The following KLHDC4 variants were observed in gnomAD, a reference collection of about 807,000 sequenced individuals.
KLHDC4 encodes the protein kelch domain-containing protein 4.
In KLHDC4, 90 loss-of-function variants were observed where a neutral mutation model predicts 62.4. The observed-to-expected ratio is 1.44, with a 90% confidence interval of 1.22 to 1.72. The LOEUF (loss-of-function observed/expected upper bound fraction) is 1.72. Among genes scored for constraint, KLHDC4 ranks in the 40% most tolerant of loss-of-function variants. KLHDC4 has a pLI of 0.00. For synonymous variants in KLHDC4, 386 were observed against 284.4 expected (o/e 1.36, Z -3.59); for missense variants, 1,025 against 699.7 (o/e 1.47, Z -5.25).
At chr16:87,723,748 G>C (rs895184317) in intron 7 of KLHDC4, among the ~76,000 whole-genome samples, 1 of 152,272 alleles carries the variant, frequency 6.6e-6, no homozygotes, top group Non-Finnish European at 1.5e-5. Flanking sequence ...AATGAACGTG[G>C]ATCAGAATGG....
chr16:87,735,311 A>C (rs866770282), intron 5 of KLHDC4, among the ~76,000 whole-genome samples: 39 of 149,352 alleles, frequency 2.6e-4, no homozygotes, highest in African/African-American at 9.5e-4. Flanking sequence ...AAAAAAAAAA[A>C]AAGAAAAAAA....
chr16:87,708,377 C>T lies in KLHDC4; in HGVS notation c.1537G>A (p.Gly513Arg), dbSNP rs143992884. 3.8e-5 allele frequency: 61 copies of T among 1,610,180 alleles called. No individual in the cohort carries two copies. Among genetic ancestry groups the T allele is most frequent in the South Asian group, 3.1e-4 (28 of 90,962 alleles). Residue 513 changes from glycine (G) to arginine (R), a missense_variant, in exon 11 of 12, where the codon GGA becomes AGA. Gly to Arg is a moderately radical substitution (Grantham distance 125, BLOSUM62 -2). Transcript: ENST00000270583. The stretch of plus-strand genomic sequence containing the variant: ...CAGTCCTCCGCACCGCTCTCCTCTC[C>T]GCTGTCTTCGTCGTCGACCCCACCC... ...AEGGVDDEDS[G>R]EESGAED
intron 5 of KLHDC4, among the ~76,000 whole-genome samples, chr16:87,732,427 T>A (rs1172498522): frequency 6.6e-6 from 1 of 152,228 alleles, no homozygotes; most frequent in Non-Finnish European, 1.5e-5. Context: ...CTCATCTAAG[T>A]GTACATCTAA....
chr16:87,711,511 C>A, intron 8 of KLHDC4, 68 bp from the exon 9 acceptor site: 1 of 1,368,436 alleles, frequency 7.3e-7, no homozygotes, highest in Non-Finnish European at 9.8e-7. Context: ...GCCCAGGACA[C>A]GCTCAGGACC....
Position 87,720,224 on chromosome 16 carries a change from G to A in KLHDC4, c.760-5651C>T, listed in dbSNP as rs377360937. ...GGTAGGTAGATAAAGGCCGGGGAGC[G>A]TTTGTGGGAGAAGACGGCCAGACGA... On this transcript the variant is annotated intron_variant, in intron 7 of 11. Transcript: ENST00000270583. Among the ~76,000 whole-genome samples the A allele has an allele frequency of 1.3e-3, 204 of 152,328 alleles. No homozygotes were observed. The Middle Eastern group carries it at 0.014, about 10-fold the overall frequency.
chr16:87,701,943 T>TG (rs1567628659), exon 14 of KLHDC4: 1 of 456,242 alleles, frequency 2.2e-6, no homozygotes. Flanking sequence ...CAGTGGTAGA[T>TG]GGGGCTCTGC....
At chr16:87,754,452 A>G (rs1342266304) in intron 4 of KLHDC4, among the ~76,000 whole-genome samples, 2 of 152,272 alleles carry the variant, frequency 1.3e-5, no homozygotes, top group African/African-American at 4.8e-5. Flanking sequence ...TCAGGCAGGC[A>G]GGTCCTCCTC....
exon 1 of KLHDC4, chr16:87,700,741 G>A (rs1597319158): frequency 4.5e-6 from 1 of 222,128 alleles, no homozygotes; most frequent in East Asian, 1.8e-4. Flanking sequence ...GCGGAGGGGA[G>A]GAGGATGCAG....
intron 1 of KLHDC4, among the ~76,000 whole-genome samples, chr16:87,764,879 A>T (rs1338760475): frequency 6.6e-6 from 1 of 151,774 alleles, no homozygotes; most frequent in Non-Finnish European, 1.5e-5. Flanking sequence ...TGTGAGGGAA[A>T]AGTCCAACTC....
intron 7 of KLHDC4, among the ~76,000 whole-genome samples, chr16:87,721,666 C>T (rs1213723340): frequency 3.3e-5 from 5 of 152,212 alleles, no homozygotes; most frequent in Non-Finnish European, 7.3e-5. Context: ...ACTCTGTCTG[C>T]TTCTGGTATT....
intron 7 of KLHDC4, among the ~76,000 whole-genome samples, chr16:87,715,961 GCT>G (rs2036883158): frequency 6.6e-6 from 1 of 152,140 alleles, no homozygotes; most frequent in African/African-American, 2.4e-5. Context: ...CTTTGGGCAC[GCT>G]CTGTGTCTCA....
chr16:87,705,825 G>A (rs951053350), downstream of KLHDC4, among the ~76,000 whole-genome samples: 3 of 152,242 alleles, frequency 2.0e-5, no homozygotes, highest in South Asian at 4.1e-4. Flanking sequence ...TGCTGCCTGC[G>A]CTCTGGCTTC....
At chr16:87,704,091 C>G (rs535596062), downstream of KLHDC4, among the ~76,000 whole-genome samples, 1 of 152,234 alleles carries the variant, frequency 6.6e-6, no homozygotes, top group Non-Finnish European at 1.5e-5. Context: ...GAACCACCAT[C>G]CCCCGCTCCT....
At chr16:87,731,855 C>G (rs986823276) in intron 5 of KLHDC4, among the ~76,000 whole-genome samples, 3 of 152,144 alleles carry the variant, frequency 2.0e-5, no homozygotes, top group Non-Finnish European at 4.4e-5. Context: ...GAGGACTTCT[C>G]AGAAACAAAA....
intron 5 of KLHDC4, among the ~76,000 whole-genome samples, chr16:87,742,430 A>C (rs2042373024): frequency 6.6e-6 from 1 of 152,232 alleles, no homozygotes; most frequent in African/African-American, 2.4e-5. Context: ...GAGGTATTTT[A>C]CATGAATATT....
At chr16:87,758,254 G>C (rs187988581) in intron 2 of KLHDC4, among the ~76,000 whole-genome samples, 2 of 152,336 alleles carry the variant, frequency 1.3e-5, no homozygotes, top group Admixed American at 1.3e-4. Flanking sequence ...ACAGATACCT[G>C]TATGCAATGC....
chr16:87,718,874 G>T (rs899731991), intron 7 of KLHDC4, among the ~76,000 whole-genome samples: 1 of 150,658 alleles, frequency 6.6e-6, no homozygotes, highest in African/African-American at 2.5e-5. Flanking sequence ...CTGTCCGGCC[G>T]CGACCCCGTC....
intron 5 of KLHDC4, among the ~76,000 whole-genome samples, chr16:87,746,517 A>C (rs1226866371): frequency 6.6e-6 from 1 of 152,182 alleles, no homozygotes; most frequent in African/African-American, 2.4e-5. Flanking sequence ...TCCAGGACCA[A>C]GGGTGACCTG....
At chr16:87,752,323 A>G (rs1281660579) in intron 4 of KLHDC4, among the ~76,000 whole-genome samples, 1 of 145,294 alleles carries the variant, frequency 6.9e-6, no homozygotes, top group African/African-American at 2.5e-5. Context: ...AATCCGATCC[A>G]CAGCACTGTT....
Sources: allele counts gnomAD v4.1 joint callset (sites outside exome capture counted in the v4.1 genomes callset), GRCh38; gene constraint gnomAD v4.1.1; transcripts MANE v1.5; gene names NCBI Gene and HGNC (gene_info 2026-07-23, HGNC 2026-07-21).